Variants in CNTN4 observed in about 807,000 individuals in gnomAD.
CNTN4 encodes the protein contactin 4, also known as contactin-4.
A neutral mutation model predicts 122.5 loss-of-function variants in CNTN4; 77 were observed. That is an observed-to-expected ratio of 0.63 (90% CI 0.52 to 0.76). The LOEUF is 0.76. CNTN4 is among the 30% of genes least tolerant of loss of function. The probability of loss-of-function intolerance (pLI) is 0.00; values close to 1 mark genes in which losing one functional copy is unlikely to be tolerated. For missense variants in CNTN4, 1,256 were observed against 1,259.1 expected (o/e 1.00, Z 0.04); for synonymous variants, 512 against 447.0 (o/e 1.15, Z -1.83).
At chr3:2,544,964 G>A (rs961464557) in intron 3 of CNTN4, among the ~76,000 whole-genome samples, 5 of 151,898 alleles carry the variant, frequency 3.3e-5, no homozygotes, top group Admixed American at 6.6e-5. Flanking sequence ...TGTGATGTTA[G>A]GTTGTTAATT....
intron 3 of CNTN4, among the ~76,000 whole-genome samples, chr3:2,410,347 G>A (rs1051432924): frequency 2.0e-5 from 3 of 152,014 alleles, no homozygotes; most frequent in African/African-American, 7.3e-5. Context: ...TTGTTACAGA[G>A]GCATAATAAT....
intron 3 of CNTN4, among the ~76,000 whole-genome samples, chr3:2,510,334 A>G (rs2076847028): frequency 1.4e-5 from 2 of 146,602 alleles, no homozygotes. Context: ...AAAGAAAACT[A>G]AGACTCACAA....
intron 3 of CNTN4, among the ~76,000 whole-genome samples, chr3:2,540,607 C>T (rs974227391): frequency 1.3e-5 from 2 of 151,856 alleles, no homozygotes; most frequent in African/African-American, 4.8e-5. Flanking sequence ...TATAGAAATC[C>T]TAATGTGGAT....
chr3:2,790,634 A>T (rs7615939), intron 6 of CNTN4, among the ~76,000 whole-genome samples: 25 of 151,726 alleles, frequency 1.6e-4, no homozygotes, highest in African/African-American at 6.1e-4. Context: ...AAATCACTTT[A>T]TTTTCTGTGA....
At chr3:2,445,015 C>A (rs767886103) in intron 3 of CNTN4, among the ~76,000 whole-genome samples, 3 of 143,458 alleles carry the variant, frequency 2.1e-5, no homozygotes, top group Non-Finnish European at 4.4e-5. Context: ...AAAAAAAAAT[C>A]TATCTCTCTA....
intron 6 of CNTN4, among the ~76,000 whole-genome samples, chr3:2,799,549 G>C (rs1385387951): frequency 6.6e-6 from 1 of 151,780 alleles, no homozygotes; most frequent in Non-Finnish European, 1.5e-5. Flanking sequence ...TGCAACCTCT[G>C]CCTCCGGGGT....
chr3:2,784,428 C>CT (rs1559500416), intron 6 of CNTN4, among the ~76,000 whole-genome samples: 1 of 152,158 alleles, frequency 6.6e-6, no homozygotes. Context: ...ATAATTAGAC[C>CT]CTTTTTTCAG....
chr3:2,668,127 A>G (rs1415550118), intron 4 of CNTN4, among the ~76,000 whole-genome samples: 6 of 152,158 alleles, frequency 3.9e-5, no homozygotes, highest in African/African-American at 1.4e-4. Flanking sequence ...AATTCTGTGA[A>G]GAAAGTCATT....
intron 3 of CNTN4, among the ~76,000 whole-genome samples, chr3:2,557,749 TCA>T (rs1491132431): frequency 2.3e-5 from 3 of 131,054 alleles, no homozygotes; most frequent in African/African-American, 9.4e-5. Flanking sequence ...AGATTCTGTC[TCA>T]AAAAAAAAAA....
At chr3:2,627,352 C>T (rs2082231252) in intron 4 of CNTN4, among the ~76,000 whole-genome samples, 1 of 152,146 alleles carries the variant, frequency 6.6e-6, no homozygotes, top group African/African-American at 2.4e-5. Context: ...TATTTTCTAG[C>T]ATCTGATTTC....
intron 4 of CNTN4, among the ~76,000 whole-genome samples, chr3:2,632,323 A>G (rs2082479104): frequency 2.0e-5 from 3 of 152,188 alleles, no homozygotes; most frequent in African/African-American, 7.2e-5. Flanking sequence ...GGAGACTGAC[A>G]TATGACATTT....
chr3:2,447,881 T>A (rs1259247673), intron 3 of CNTN4, among the ~76,000 whole-genome samples: 1 of 152,126 alleles, frequency 6.6e-6, no homozygotes, highest in Non-Finnish European at 1.5e-5. Context: ...ACTATTATTA[T>A]CCTAATTTTA....
At chr3:2,677,949 A>C (rs2084961271) in intron 4 of CNTN4, among the ~76,000 whole-genome samples, 1 of 152,192 alleles carries the variant, frequency 6.6e-6, no homozygotes, top group Non-Finnish European at 1.5e-5. Context: ...CTTGAATATT[A>C]GCTGTCACCA....
intron 4 of CNTN4, among the ~76,000 whole-genome samples, chr3:2,723,676 A>G (rs940705531): frequency 6.6e-6 from 1 of 152,238 alleles, no homozygotes; most frequent in Non-Finnish European, 1.5e-5. Context: ...TAAGGGCCTT[A>G]CCTCTAAATA....
chr3:2,716,985 A>ATC (rs1306757406), intron 4 of CNTN4, among the ~76,000 whole-genome samples: 1 of 152,036 alleles, frequency 6.6e-6, no homozygotes, highest in East Asian at 1.9e-4. Context: ...CACTGTATTG[A>ATC]TCTATGACAT....
chr3:2,521,820 A>C (rs1268223211), intron 3 of CNTN4, among the ~76,000 whole-genome samples: 1 of 151,860 alleles, frequency 6.6e-6, no homozygotes, highest in Non-Finnish European at 1.5e-5. Flanking sequence ...AGTAGATGAC[A>C]GCTTTGTCTT....
intron 2 of CNTN4, among the ~76,000 whole-genome samples, chr3:2,159,360 GAAAA>G (rs1491030650): frequency 6.8e-6 from 1 of 148,038 alleles, no homozygotes; most frequent in African/African-American, 2.6e-5. Flanking sequence ...TATCAAAACA[GAAAA>G]AAAATTGTTA....
chr3:2,474,034 C>G (rs1390785129), intron 3 of CNTN4, among the ~76,000 whole-genome samples: 1 of 151,670 alleles, frequency 6.6e-6, no homozygotes, highest in Non-Finnish European at 1.5e-5. Flanking sequence ...AAAAATATTG[C>G]CAAGTCTTCC....
At chr3:2,752,094 G>A (rs186206653) in intron 6 of CNTN4, among the ~76,000 whole-genome samples, 2,721 of 151,914 alleles carry the variant, frequency 0.018, 99 homozygotes, top group African/African-American at 0.063. Context: ...GTGTTTTTTT[G>A]TCTGTTCTCT....
Sources: gnomAD v4.1 joint callset for allele counts (sites outside exome capture counted in the v4.1 genomes callset) on GRCh38, gnomAD v4.1.1 for gene constraint, MANE v1.5 for transcripts, NCBI Gene and HGNC (gene_info 2026-07-23, HGNC 2026-07-21) for gene names.